Variants in PALD1 observed in about 807,000 individuals in gnomAD.
The protein encoded by PALD1 is paladin.
A neutral mutation model predicts 96.0 loss-of-function variants in PALD1; 57 were observed. The observed-to-expected ratio is 0.59, with a 90% CI of 0.48 to 0.74. The LOEUF is 0.74. PALD1 is among the 30% of genes least tolerant of loss of function. The pLI, the probability that PALD1 is intolerant of heterozygous loss-of-function variation, is 0.00. For missense variants in PALD1, 1,063 were observed against 1,143.7 expected (o/e 0.93, Z 1.02); for synonymous variants, 464 against 473.6 (o/e 0.98, Z 0.26).
intron 18 of PALD1, among the ~76,000 whole-genome samples, chr10:70,559,339 G>GT (rs1426881460): frequency 1.3e-5 from 2 of 152,164 alleles, no homozygotes; most frequent in African/African-American, 4.8e-5. Flanking sequence ...GGAACTGGAG[G>GT]GCAGGAGAGG....
At chr10:70,506,891 T>G (rs1846401573) in intron 1 of PALD1, among the ~76,000 whole-genome samples, 1 of 152,086 alleles carries the variant, frequency 6.6e-6, no homozygotes, top group African/African-American at 2.4e-5. Flanking sequence ...CCTTCTCACC[T>G]GGGGGTGGGG....
intron 1 of PALD1, among the ~76,000 whole-genome samples, chr10:70,504,947 G>T (rs1028125681): frequency 6.6e-6 from 1 of 152,196 alleles, no homozygotes; most frequent in South Asian, 2.1e-4. Context: ...TTTGTACCTC[G>T]TCACGTTAAG....
the PALD1 span, among the ~76,000 whole-genome samples, chr10:70,470,598 A>ATATTATTTTT: frequency 6.9e-6 from 1 of 144,398 alleles, no homozygotes; most frequent in African/African-American, 2.7e-5. Flanking sequence ...ATAATAAATA[A>ATATTATTTTT]TATTATTTTT....
At chr10:70,511,067 A>C in intron 1 of PALD1, among the ~76,000 whole-genome samples, 1 of 152,208 alleles carries the variant, frequency 6.6e-6, no homozygotes, top group East Asian at 1.9e-4. Context: ...GGCTTTCACC[A>C]GTAGGGAAAC....
chr10:70,495,972 C>T (rs1846188031), intron 1 of PALD1, among the ~76,000 whole-genome samples: 1 of 151,992 alleles, frequency 6.6e-6, no homozygotes, highest in Non-Finnish European at 1.5e-5. Flanking sequence ...GATCGTACCA[C>T]TGTACTCCAG....
intron 18 of PALD1, among the ~76,000 whole-genome samples, chr10:70,559,623 A>G (rs1847694407): frequency 1.3e-5 from 2 of 152,124 alleles, no homozygotes; most frequent in South Asian, 4.2e-4. Flanking sequence ...AAGTGGAGCC[A>G]GTGAGGTTTC....
chr10:70,492,904 CA>C (rs1846123651), intron 1 of PALD1, among the ~76,000 whole-genome samples: 1 of 152,228 alleles, frequency 6.6e-6, no homozygotes, highest in South Asian at 2.1e-4. Context: ...AGCAGGTATT[CA>C]TGGAGTCTGG....
intron 10 of PALD1, 62 bp from the exon 11 acceptor site, chr10:70,537,749 G>A: frequency 1.8e-6 from 2 of 1,124,552 alleles, no homozygotes; most frequent in Non-Finnish European, 2.7e-6. Context: ...CCCTTGCAGG[G>A]ATGGGGACAG....
intron 1 of PALD1, among the ~76,000 whole-genome samples, chr10:70,505,938 A>G (rs1338821708): frequency 6.6e-6 from 1 of 151,970 alleles, no homozygotes; most frequent in African/African-American, 2.4e-5. Context: ...GTGGGAGGAT[A>G]GCTTGAGCCC....
chr10:70,563,240 C>T (rs1460688779), intron 18 of PALD1, among the ~76,000 whole-genome samples: 2 of 152,150 alleles, frequency 1.3e-5, no homozygotes, highest in African/African-American at 4.8e-5. Context: ...AGATCCAGCC[C>T]AGCTCCCCGT....
At position 70,529,938 on chromosome 10, in the gene PALD1, G is replaced by A. The variant is rs1430149519; in HGVS notation, c.338G>A (p.Gly113Asp). Residue 113 changes from glycine to aspartate, a missense_variant, in exon 4 of 20, where the codon GGC becomes GAC. Gly to Asp is a moderately conservative substitution (Grantham distance 94). Coordinates refer to ENST00000263563, the MANE Select transcript of PALD1 (RefSeq NM_014431.3). The stretch of plus-strand genomic sequence containing the variant: ...GTCACTGAGAAGATGGATGTGCTGG[G>A]CACCGTGGGAAGCTGTGGGGCCCCC... ...RDVTEKMDVLGTVGSCGAPNF... is the reference protein window; with the variant it reads ...RDVTEKMDVLDTVGSCGAPNF... The A allele has an allele frequency of 1.9e-6, 3 of 1,613,832 alleles. No homozygotes were observed. Among genetic ancestry groups the A allele is most frequent in the African/African-American group, 2.7e-5 (2 of 74,890 alleles).
At chr10:70,544,581 G>A (rs1424079625) in intron 17 of PALD1, among the ~76,000 whole-genome samples, 1 of 152,122 alleles carries the variant, frequency 6.6e-6, no homozygotes, top group Non-Finnish European at 1.5e-5. Context: ...TGGATGTGGG[G>A]TGAGGAGGGC....
chr10:70,479,973 A>T (rs1171975434), intron 1 of PALD1, among the ~76,000 whole-genome samples: 2 of 152,252 alleles, frequency 1.3e-5, no homozygotes, highest in African/African-American at 4.8e-5. Context: ...ACCAGTCCTG[A>T]ACTGGTAATA....
At chr10:70,547,468 C>T (rs1306166078) in intron 18 of PALD1, 22 bp downstream of exon 18, 1 of 1,477,892 alleles carries the variant, frequency 6.8e-7, no homozygotes, top group Admixed American at 2.0e-5. Context: ...CCCCACCCCA[C>T]CCCACCCTGC....
At chr10:70,510,479 T>TC (rs1278082535) in intron 1 of PALD1, among the ~76,000 whole-genome samples, 5 of 152,066 alleles carry the variant, frequency 3.3e-5, no homozygotes, top group African/African-American at 4.8e-5. Flanking sequence ...TGGGCCCCCC[T>TC]CCCTAAGGCA....
chr10:70,473,290 C>T, the PALD1 span, among the ~76,000 whole-genome samples: 5 of 152,318 alleles, frequency 3.3e-5, no homozygotes, highest in East Asian at 1.9e-4. Context: ...GCCTCTCCCA[C>T]AGGTCTGTGA....
In PALD1 at chr10:70,540,411, G is replaced by A. The variant is rs368533967; in HGVS notation, c.1908+649G>A. 3.0e-4 allele frequency among the ~76,000 whole-genome samples: 45 copies of A among 151,676 alleles called. No homozygotes were observed. The highest frequency in any genetic ancestry group is 1.9e-3 in the East Asian group (10 of 5,182). ...GTGTGGTAGGGTTTGTGGAGGGGTCGTTAGGAATGTGTGTGTGTGGCATCT... is the reference window on the plus strand; with the variant it reads ...GTGTGGTAGGGTTTGTGGAGGGGTCATTAGGAATGTGTGTGTGTGGCATCT... On this transcript the variant is annotated intron_variant, in intron 15 of 19. Coordinates refer to ENST00000263563, the MANE Select transcript of PALD1 (RefSeq NM_014431.3). The surrounding 1 kb of genome is among the most constrained non-coding windows in gnomAD (Gnocchi z 4.2).
At chr10:70,523,653 AG>A (rs1328622406) in intron 1 of PALD1, among the ~76,000 whole-genome samples, 3 of 152,118 alleles carry the variant, frequency 2.0e-5, no homozygotes, top group Admixed American at 6.5e-5. Flanking sequence ...GGGAGAAATT[AG>A]GGTGTGGAGC....
chr10:70,483,980 TC>T (rs1287280243), intron 1 of PALD1, among the ~76,000 whole-genome samples: 12 of 152,154 alleles, frequency 7.9e-5, no homozygotes, highest in Non-Finnish European at 1.8e-4. Flanking sequence ...ACACTGAACA[TC>T]AGCATCTGGC....
Sources: allele counts gnomAD v4.1 joint callset (sites outside exome capture counted in the v4.1 genomes callset), GRCh38; gene constraint gnomAD v4.1.1; non-coding constraint Gnocchi (gnomAD v3.1); transcripts MANE v1.5; gene names NCBI Gene and HGNC (gene_info 2026-07-23, HGNC 2026-07-21).